PPFIA2: variants seen among roughly 807,000 people sequenced by gnomAD.
PPFIA2 encodes the protein liprin-alpha-2.
PPFIA2 carries 46 observed loss-of-function variants against 175.5 expected under a neutral mutation model. The ratio of observed to expected loss-of-function variants is 0.26; its 90% CI spans 0.21 to 0.34. The LOEUF is 0.34. PPFIA2 is among the 10% of genes least tolerant of loss of function. The pLI is 1.00. For missense variants in PPFIA2, 1,179 were observed against 1,506.1 expected, an observed-to-expected ratio of 0.78 and a Z score of 3.60; for synonymous variants, 568 against 511.4, an observed-to-expected ratio of 1.11 and a Z score of -1.49.
intron 4 of PPFIA2, among the ~76,000 whole-genome samples, chr12:81,569,768 T>C (rs760255872): frequency 2.5e-4 from 38 of 152,320 alleles, no homozygotes; most frequent in Non-Finnish European, 5.1e-4. Flanking sequence ...CAAAGAGCTT[T>C]ATTTATATAT....
In PPFIA2 at chr12:81,440,051, A is replaced by G. The variant is rs1182587584; in HGVS notation, c.571-5T>C. ...AACCCTCAGTCGCTCCCTTACCTAG[A>G]AGAAAAATCAAAATATGTGCAGTAA... On this transcript the variant is annotated splice_polypyrimidine_tract_variant and splice_region_variant and intron_variant, in intron 6 of 32. Transcript: ENST00000549396. 1 of 1,592,596 alleles carries G rather than the reference A, an allele frequency of 6.3e-7. No homozygotes were observed. The highest frequency in any genetic ancestry group is 8.5e-7 in the Non-Finnish European group (1 of 1,172,234).
intron 4 of PPFIA2, among the ~76,000 whole-genome samples, chr12:81,539,201 A>G (rs748508724): frequency 1.3e-5 from 2 of 151,924 alleles, no homozygotes; most frequent in African/African-American, 2.4e-5. Context: ...AGATACGTCA[A>G]CTGAGATGCC....
At chr12:81,455,938 T>G (rs570333936) in intron 5 of PPFIA2, among the ~76,000 whole-genome samples, 2 of 152,118 alleles carry the variant, frequency 1.3e-5, no homozygotes, top group Non-Finnish European at 2.9e-5. Context: ...CAGAGGGGTG[T>G]AGAAAGGAGT....
chr12:81,440,241 G>A (rs932369641), intron 6 of PPFIA2, among the ~76,000 whole-genome samples, 195 bp from the exon 7 acceptor site: 1 of 152,144 alleles, frequency 6.6e-6, no homozygotes, highest in Non-Finnish European at 1.5e-5. Context: ...ACTGTATCAA[G>A]GGATTTCCTT....
chr12:81,422,312 G>A (rs1031062739), intron 7 of PPFIA2, among the ~76,000 whole-genome samples: 1 of 151,910 alleles, frequency 6.6e-6, no homozygotes, highest in Admixed American at 6.6e-5. Flanking sequence ...GAACTTAAGA[G>A]TGAGGAACTA....
intron 3 of PPFIA2, among the ~76,000 whole-genome samples, chr12:81,743,441 A>C (rs928138880): frequency 1.6e-4 from 23 of 141,860 alleles, no homozygotes; most frequent in African/African-American, 5.6e-4. Flanking sequence ...AAAAAAAAAA[A>C]AAAACTTTTG....
intron 4 of PPFIA2, among the ~76,000 whole-genome samples, chr12:81,653,559 T>C (rs2067326707): frequency 6.6e-6 from 1 of 152,060 alleles, no homozygotes; most frequent in Non-Finnish European, 1.5e-5. Flanking sequence ...CCAATCTCTG[T>C]CTCCATTTCA....
Position 81,384,152 on chromosome 12 carries a change from G to C in PPFIA2, c.855C>G (p.Ala285=). ...GGGCTGCTAAACGTTCTTTCATCTGGGCCATTTCATAGTTTTGCTTTTCAA... is the reference window on the plus strand; with the variant it reads ...GGGCTGCTAAACGTTCTTTCATCTGCGCCATTTCATAGTTTTGCTTTTCAA... ...ELLEKQNYEM[A]QMKERLAALS... Residue 285 remains alanine (A), a synonymous_variant, in exon 9 of 33, where the codon GCC becomes GCG. Coordinates refer to ENST00000549396, the MANE Select transcript of PPFIA2 (RefSeq NM_003625.5). 1 of 1,612,142 alleles carries C rather than the reference G, an allele frequency of 6.2e-7. No individual in the cohort carries two copies. Among genetic ancestry groups the C allele is most frequent in the South Asian group, 1.1e-5 (1 of 90,980 alleles).
At chr12:81,537,442 A>G (rs2065563554) in intron 4 of PPFIA2, among the ~76,000 whole-genome samples, 1 of 151,846 alleles carries the variant, frequency 6.6e-6, no homozygotes, top group Non-Finnish European at 1.5e-5. Context: ...GGCATCCAAA[A>G]AATACAGAAC....
At chr12:81,551,527 C>T (rs1180216373) in intron 4 of PPFIA2, among the ~76,000 whole-genome samples, 5 of 151,836 alleles carry the variant, frequency 3.3e-5, no homozygotes, top group Non-Finnish European at 7.4e-5. Flanking sequence ...ATAGTATTCG[C>T]ATTGTATTAG....
chr12:81,708,251 A>AT (rs1446620310), intron 3 of PPFIA2, among the ~76,000 whole-genome samples: 1 of 152,094 alleles, frequency 6.6e-6, no homozygotes, highest in Non-Finnish European at 1.5e-5. Context: ...CATTGTGTTT[A>AT]TTTTTATGTT....
At chr12:81,715,025 C>A (rs1217329351) in intron 3 of PPFIA2, among the ~76,000 whole-genome samples, 1 of 150,800 alleles carries the variant, frequency 6.6e-6, no homozygotes. Context: ...AAAGTTTGTT[C>A]CAAACTCCCT....
At chr12:81,741,965 T>A (rs1162472923) in intron 3 of PPFIA2, among the ~76,000 whole-genome samples, 4 of 152,144 alleles carry the variant, frequency 2.6e-5, no homozygotes, top group Non-Finnish European at 5.9e-5. Context: ...AGTAAAGACC[T>A]GAAAAGGTAA....
chr12:81,580,491 T>C (rs2074244199), intron 4 of PPFIA2, among the ~76,000 whole-genome samples: 1 of 151,832 alleles, frequency 6.6e-6, no homozygotes. Context: ...ATGGAATATC[T>C]ATATTTTATA....
rs1327153702 is a variant in PPFIA2 at position 81,339,221 on chromosome 12, C to T, written c.2507G>A (p.Arg836His). The change falls in exon 21 of 33, where the codon CGT becomes CAT. Residue 836 changes from arginine to histidine, a missense_variant. By Grantham distance (29) the Arg-to-His change is conservative (BLOSUM62 0). Around this residue, in one of 10 missense-constraint regions of PPFIA2, gnomAD observed 223 missense variants for 241.6 expected, o/e 0.92. Coordinates refer to ENST00000549396, the MANE Select transcript of PPFIA2 (RefSeq NM_003625.5). ...AGCTTTTTCTTTTTTACCAAACAAA[C>T]GTCCTATTGAAGACTTGATTCCTTT... ...KKKGIKSSIG[R>H]LFGKKEKARL... 1 of 1,606,152 alleles carries T rather than the reference C, an allele frequency of 6.2e-7. No individual in the cohort carries two copies. The highest frequency in any genetic ancestry group is 8.5e-7 in the Non-Finnish European group (1 of 1,176,274).
At chr12:81,751,875 T>C (rs1029357812) in intron 3 of PPFIA2, among the ~76,000 whole-genome samples, 12 of 152,206 alleles carry the variant, frequency 7.9e-5, no homozygotes, top group African/African-American at 2.9e-4. Flanking sequence ...TATCTTGTTC[T>C]AGTGCTTTAT....
At chr12:81,273,038 A>G (rs917691007) in intron 28 of PPFIA2, among the ~76,000 whole-genome samples, 3 of 152,164 alleles carry the variant, frequency 2.0e-5, no homozygotes, top group African/African-American at 7.2e-5. Context: ...GTGTTTTATC[A>G]GAGACCTCAA....
chr12:81,754,923 G>C (rs1322944909), intron 2 of PPFIA2, among the ~76,000 whole-genome samples: 1 of 152,062 alleles, frequency 6.6e-6, no homozygotes, highest in Non-Finnish European at 1.5e-5. Flanking sequence ...AAGTGATACT[G>C]ACTGAATTAG....
intron 4 of PPFIA2, among the ~76,000 whole-genome samples, chr12:81,665,986 T>C (rs2070156660): frequency 6.6e-6 from 1 of 152,142 alleles, no homozygotes; most frequent in Non-Finnish European, 1.5e-5. Context: ...AAGACATTTA[T>C]GCAGCCAAAA....
Sources: gnomAD v4.1 joint callset for allele counts (sites outside exome capture counted in the v4.1 genomes callset) on GRCh38, gnomAD v4.1.1 for gene constraint, gnomAD v4.1.1 regional missense constraint, MANE v1.5 for transcripts, NCBI Gene and HGNC (gene_info 2026-07-23, HGNC 2026-07-21) for gene names.